Variants in ADGRB1 observed in about 807,000 individuals in gnomAD.
The protein encoded by ADGRB1 is adhesion G protein-coupled receptor B1, also known as brain-specific angiogenesis inhibitor 1.
ADGRB1 carries 36 observed loss-of-function variants against 175.7 expected under a neutral mutation model. The observed-to-expected ratio is 0.20, with a 90% CI of 0.16 to 0.27. The LOEUF (loss-of-function observed/expected upper bound fraction) is 0.27, where lower values mean the gene tolerates loss of function less well. ADGRB1 is among the 10% of genes least tolerant of loss of function. The pLI is 1.00. For synonymous variants in ADGRB1, 1,054 were observed against 979.4 expected (o/e 1.08, Z -1.42); for missense variants, 1,731 against 2,255.3 (o/e 0.77, Z 4.71).
chr8:142,478,249 T>C lies in ADGRB1; in HGVS notation c.1450T>C (p.Ser484Pro). 6.2e-7 allele frequency: 1 copy of C among 1,609,408 alleles called. No individual in the cohort carries two copies. Among genetic ancestry groups the C allele is most frequent in the Non-Finnish European group, 8.5e-7 (1 of 1,178,562 alleles). Residue 484 changes from serine (S) to proline (P), a missense_variant, in exon 7 of 31, where the codon TCC (serine) becomes CCC (proline). This residue lies in a region of ADGRB1 where 388 missense variants were observed against 630.9 expected (regional missense o/e 0.61). Transcript: ENST00000517894. Reference protein sequence around the residue: ...SSWSACSASCSQGRQQRTREC... With the variant: ...SSWSACSASCPQGRQQRTREC... Reference sequence around the variant, plus strand: ...CTGGAGCGCCTGCTCCGCCAGCTGCTCCCAGGGCCGACAGCAGCGCACGCG... The same window carrying C: ...CTGGAGCGCCTGCTCCGCCAGCTGCCCCCAGGGCCGACAGCAGCGCACGCG...
At chr8:142,451,744 CT>C (rs1839364525) in intron 1 of ADGRB1, among the ~76,000 whole-genome samples, 2 of 152,098 alleles carry the variant, frequency 1.3e-5, no homozygotes, top group African/African-American at 4.8e-5. Flanking sequence ...AGCTGGGTCC[CT>C]TTTCTATCTG....
chr8:142,539,789 C>T (rs7462701), intron 27 of ADGRB1: 11 of 298,666 alleles, frequency 3.7e-5, no homozygotes, highest in Non-Finnish European at 6.3e-5. Flanking sequence ...CGCTCCCCCC[C>T]CCTGCCTCCT....
At chr8:142,451,211 AGGCTGC>A in intron 1 of ADGRB1, among the ~76,000 whole-genome samples, 1 of 152,190 alleles carries the variant, frequency 6.6e-6, no homozygotes, top group East Asian at 1.9e-4. Context: ...GGCTTGACGG[AGGCTGC>A]GGCTCCGAGC....
Position 142,542,593 on chromosome 8 carries a change from G to C in ADGRB1, c.4359G>C (p.Thr1453=). 1 of 1,535,626 alleles carries C rather than the reference G, an allele frequency of 6.5e-7. No individual in the cohort carries two copies. The highest frequency in any genetic ancestry group is 8.8e-7 in the Non-Finnish European group (1 of 1,139,514). The change falls in exon 28 of 31, where the codon ACG becomes ACC. Residue 1453 remains threonine (T), a synonymous_variant. Transcript: ENST00000517894. This position sits in a 1 kb window ranked among gnomAD's most constrained non-coding sequence, Gnocchi z 6.3. ...GEPAAHPGPS[T]GPSTKNENVA... is the part of the protein sequence containing the mutation. ...CTGCCGCCCATCCGGGACCCAGCACGGGGCCCAGCACCAAGAACGAGAATG... is the reference window on the plus strand; with the variant it reads ...CTGCCGCCCATCCGGGACCCAGCACCGGGCCCAGCACCAAGAACGAGAATG...
chr8:142,528,142 C>T (rs1844330830), intron 24 of ADGRB1, among the ~76,000 whole-genome samples: 2 of 152,352 alleles, frequency 1.3e-5, no homozygotes, highest in South Asian at 4.1e-4. Context: ...CGCATGGGCA[C>T]ACACACGTGG....
At position 142,492,929 on chromosome 8, in the gene ADGRB1, G is replaced by T. The variant is rs191305206; in HGVS notation, c.2675+2114G>T. Among the ~76,000 whole-genome samples the T allele has an allele frequency of 6.6e-6, 1 of 151,894 alleles. No individual in the cohort carries two copies. The highest frequency in any genetic ancestry group is 1.5e-5 in the Non-Finnish European group (1 of 67,978). ...CAGAAACCCTCCATCCGGGCTGTTCGCCGGCCGCGGCAGCTCTCGGGGGGC... is the reference window on the plus strand; with the variant it reads ...CAGAAACCCTCCATCCGGGCTGTTCTCCGGCCGCGGCAGCTCTCGGGGGGC... On this transcript the variant is annotated intron_variant, in intron 17 of 30. Coordinates refer to ENST00000517894, the MANE Select transcript of ADGRB1 (RefSeq NM_001702.3). This position sits in a 1 kb window ranked among gnomAD's most constrained non-coding sequence, Gnocchi z 4.4.
At position 142,511,166 on chromosome 8, in the gene ADGRB1, G is replaced by A. The variant is rs1210964300; in HGVS notation, c.2817+93G>A. Reference sequence around the variant, plus strand: ...CTGCGGGTGGGGAGGGCCCGCACCCGTCCTGTCCCGGAGGGGTCGCTGTGG... The same window carrying A: ...CTGCGGGTGGGGAGGGCCCGCACCCATCCTGTCCCGGAGGGGTCGCTGTGG... On this transcript the variant is annotated intron_variant, in intron 18 of 30. Coordinates refer to ENST00000517894, the MANE Select transcript of ADGRB1 (RefSeq NM_001702.3). This position sits in a 1 kb window ranked among gnomAD's most constrained non-coding sequence, Gnocchi z 4.5. 3.1e-6 allele frequency: 3 copies of A among 958,012 alleles called. No homozygotes were observed. The highest frequency in any genetic ancestry group is 3.8e-6 in the Non-Finnish European group (3 of 796,700). The allele number at this position is 958,012 out of a possible 1,614,324, so 59.3% of individuals were successfully genotyped here.
intron 25 of ADGRB1, among the ~76,000 whole-genome samples, chr8:142,535,665 G>A (rs779190158): frequency 2.6e-5 from 4 of 152,200 alleles, no homozygotes; most frequent in African/African-American, 4.8e-5. Flanking sequence ...TGCCCATGAG[G>A]CTGGGGCCTC....
At chr8:142,470,394 CGT>C (rs146603254) in intron 2 of ADGRB1, among the ~76,000 whole-genome samples, 9 of 151,718 alleles carry the variant, frequency 5.9e-5, no homozygotes, top group East Asian at 3.9e-4. Flanking sequence ...TGTGTGTCCT[CGT>C]GTGTGTGTGT....
Position 142,510,129 on chromosome 8 carries a change from G to A in ADGRB1, c.2676-803G>A, listed in dbSNP as rs146771989. Among the ~76,000 whole-genome samples the A allele has an allele frequency of 4.5e-3, 688 of 152,164 alleles. 6 individuals are homozygous for A. The highest frequency in any genetic ancestry group is 0.015 in the African/African-American group (641 of 41,524). ...GAGGAAGAACAGGAGGAGGAGGTTG[G>A]GGGTGGAGAGGAGGAGGAGGGGTTT... On this transcript the variant is annotated intron_variant, in intron 17 of 30. Coordinates refer to ENST00000517894, the MANE Select transcript of ADGRB1 (RefSeq NM_001702.3). The surrounding 1 kb of genome is among the most constrained non-coding windows in gnomAD (Gnocchi z 6.3).
At chr8:142,531,026 G>A (rs1844594553) in intron 24 of ADGRB1, among the ~76,000 whole-genome samples, 1 of 152,222 alleles carries the variant, frequency 6.6e-6, no homozygotes, top group Non-Finnish European at 1.5e-5. Flanking sequence ...GGCTGTAAAT[G>A]TCAGGCCTGG....
rs752011772 is a variant in ADGRB1, at chr8:142,477,479, C to T, written c.1317C>T (p.Pro439=). The T allele has an allele frequency of 1.1e-5, 18 of 1,612,958 alleles. No homozygotes were observed. Among genetic ancestry groups the T allele is most frequent in the Admixed American group, 1.7e-5 (1 of 60,004 alleles). Reference sequence around the variant, plus strand: ...ATCGCACGCGCACCTGCAGGCCCCCCCAGTTTGGGGGCAACCCCTGTGAGG... The same window carrying T: ...ATCGCACGCGCACCTGCAGGCCCCCTCAGTTTGGGGGCAACCCCTGTGAGG... ...FRDRTRTCRP[P]QFGGNPCEGP... The change falls in exon 6 of 31, where the codon CCC becomes CCT. Residue 439 remains proline, a synonymous_variant. Coordinates refer to ENST00000517894, the MANE Select transcript of ADGRB1 (RefSeq NM_001702.3).
rs1840873483 is a variant in ADGRB1, at chr8:142,474,978, G to T, written c.785-496G>T. Among the ~76,000 whole-genome samples the T allele has an allele frequency of 6.6e-6, 1 of 152,168 alleles. No individual in the cohort carries two copies. Among genetic ancestry groups the T allele is most frequent in the African/African-American group, 2.4e-5 (1 of 41,448 alleles). On this transcript the variant is annotated intron_variant, in intron 2 of 30. Coordinates refer to ENST00000517894, the MANE Select transcript of ADGRB1 (RefSeq NM_001702.3). This position sits in a 1 kb window ranked among gnomAD's most constrained non-coding sequence, Gnocchi z 5.8. ...GGTGAAGAAGCGGCTCCAGGTCACA[G>T]CTGGGGTGTGAAATGTGGAGCCCTG...
chr8:142,522,632 C>T lies in ADGRB1; in HGVS notation c.3176-9C>T. 3 of 1,554,316 alleles carry T rather than the reference C, an allele frequency of 1.9e-6. No individual in the cohort carries two copies. The highest frequency in any genetic ancestry group is 2.6e-6 in the Non-Finnish European group (3 of 1,149,854). ...TGGGGCCAACACCCTCTCTCTGCTC[C>T]TTCTCCAGGGCTCCCTGCACTGGTT... On this transcript the variant is annotated splice_polypyrimidine_tract_variant and intron_variant, in intron 21 of 30. Transcript: ENST00000517894.
At chr8:142,476,457 G>A in intron 3 of ADGRB1, 128 bp from the exon 4 acceptor site, 1 of 802,350 alleles carries the variant, frequency 1.2e-6, no homozygotes, top group South Asian at 1.6e-5. Context: ...GGGCACTCTG[G>A]TCCCTGGCTC....
At chr8:142,454,753 C>T (rs1357588096) in intron 1 of ADGRB1, among the ~76,000 whole-genome samples, 2 of 152,118 alleles carry the variant, frequency 1.3e-5, no homozygotes, top group African/African-American at 2.4e-5. Flanking sequence ...GAGGCGGCTC[C>T]GGACGTCTCC....
chr8:142,501,586 ATGG>A (rs1228885633), intron 17 of ADGRB1, among the ~76,000 whole-genome samples: 1 of 134,484 alleles, frequency 7.4e-6, no homozygotes, highest in East Asian at 2.2e-4. Context: ...GGTGATGGCG[ATGG>A]TGGGGTGGTG....
At chr8:142,535,369 C>T (rs1429394063) in intron 25 of ADGRB1, among the ~76,000 whole-genome samples, 2 of 151,968 alleles carry the variant, frequency 1.3e-5, no homozygotes, top group African/African-American at 2.4e-5. Context: ...CTATGGTGGG[C>T]GGGGACAGAG....
At position 142,510,212 on chromosome 8, in the gene ADGRB1, T is replaced by C. The variant is rs1563725452; in HGVS notation, c.2676-720T>C. Among the ~76,000 whole-genome samples, 2 of 152,026 alleles carry C rather than the reference T, an allele frequency of 1.3e-5. No individual in the cohort carries two copies. The highest frequency in any genetic ancestry group is 2.4e-5 in the African/African-American group (1 of 41,416). On this transcript the variant is annotated intron_variant, in intron 17 of 30. Coordinates refer to ENST00000517894, the MANE Select transcript of ADGRB1 (RefSeq NM_001702.3). This position sits in a 1 kb window ranked among gnomAD's most constrained non-coding sequence, Gnocchi z 6.3. ...ACAAGTCCTGTGCTTAAATGCGTGC[T>C]CAGATGAAAAGCGGGGCAGTCGCGG...
Sources: allele counts gnomAD v4.1 joint callset (sites outside exome capture counted in the v4.1 genomes callset), GRCh38; gene constraint gnomAD v4.1.1; regional missense constraint gnomAD v4.1.1; non-coding constraint Gnocchi (gnomAD v3.1); transcripts MANE v1.5; gene names NCBI Gene and HGNC (gene_info 2026-07-23, HGNC 2026-07-21).